The following SLC39A11 variants were observed in gnomAD, a reference collection of about 807,000 sequenced individuals.
SLC39A11 encodes the protein solute carrier family 39 member 11.
SLC39A11 carries 33 observed loss-of-function variants against 36.1 expected under a neutral mutation model. The observed-to-expected ratio is 0.91, with a 90% CI of 0.69 to 1.22. The LOEUF is 1.22. Ranked by LOEUF, SLC39A11 falls within the 50% of genes most tolerant of loss-of-function variation. SLC39A11 has a pLI of 0.00. For missense variants in SLC39A11, 432 were observed against 430.3 expected (o/e 1.00, Z -0.03); for synonymous variants, 166 against 170.3 (o/e 0.97, Z 0.20).
intron 7 of SLC39A11, among the ~76,000 whole-genome samples, chr17:72,703,241 T>C (rs2072732677): frequency 6.6e-6 from 1 of 152,122 alleles, no homozygotes; most frequent in Admixed American, 6.5e-5. Context: ...TGCTGGTGTG[T>C]ATGTGCTTTA....
chr17:72,665,199 C>A (rs548784888), intron 7 of SLC39A11, among the ~76,000 whole-genome samples: 1 of 152,080 alleles, frequency 6.6e-6, no homozygotes, highest in Non-Finnish European at 1.5e-5. Context: ...CATGGGAGTG[C>A]GCCATCTTGG....
intron 5 of SLC39A11, among the ~76,000 whole-genome samples, chr17:72,882,469 A>C (rs979819862): frequency 1.3e-5 from 2 of 152,084 alleles, no homozygotes; most frequent in African/African-American, 4.8e-5. Context: ...TCCAAGTACG[A>C]TGATTAGGAA....
chr17:72,861,657 T>TTATAGATATATATATATATATA (rs1555605274), intron 5 of SLC39A11, among the ~76,000 whole-genome samples: 1 of 50,952 alleles, frequency 2.0e-5, no homozygotes, highest in Non-Finnish European at 3.3e-5. Flanking sequence ...ATACAACACA[T>TTATAGATATATATATATATATA]TATATATATA....
At chr17:72,748,588 C>T (rs548091008) in intron 6 of SLC39A11, among the ~76,000 whole-genome samples, 43 of 152,246 alleles carry the variant, frequency 2.8e-4, no homozygotes, top group African/African-American at 8.9e-4. Flanking sequence ...ACACAGGCAG[C>T]GCCTCGTTTG....
At chr17:72,660,345 G>T (rs1264585257) in intron 7 of SLC39A11, among the ~76,000 whole-genome samples, 2 of 152,190 alleles carry the variant, frequency 1.3e-5, no homozygotes, top group African/African-American at 4.8e-5. Context: ...ACTACGTGCT[G>T]GGCGTGCTTG....
At chr17:73,035,162 G>C (rs1389824178) in intron 3 of SLC39A11, among the ~76,000 whole-genome samples, 2 of 152,010 alleles carry the variant, frequency 1.3e-5, no homozygotes, top group East Asian at 3.8e-4. Context: ...TTTTTGTTTC[G>C]AGACAGAGTC....
intron 5 of SLC39A11, among the ~76,000 whole-genome samples, chr17:72,936,460 CG>C (rs1367180690): frequency 6.9e-6 from 1 of 144,246 alleles, no homozygotes; most frequent in Non-Finnish European, 1.5e-5. Context: ...GGCAATTACC[CG>C]GGGAACAAAC....
intron 3 of SLC39A11, among the ~76,000 whole-genome samples, chr17:73,044,152 G>GA (rs573904058): frequency 7.2e-4 from 103 of 142,428 alleles, no homozygotes; most frequent in African/African-American, 1.6e-3. Flanking sequence ...GCTTAAATAA[G>GA]AAAAAAAAAA....
intron 4 of SLC39A11, among the ~76,000 whole-genome samples, chr17:72,953,464 T>C (rs1312174283): frequency 6.6e-6 from 1 of 152,176 alleles, no homozygotes; most frequent in Non-Finnish European, 1.5e-5. Flanking sequence ...ACAATATGTA[T>C]ATCTCCTTCA....
At chr17:72,733,488 G>C (rs1303129077) in intron 7 of SLC39A11, among the ~76,000 whole-genome samples, 1 of 152,194 alleles carries the variant, frequency 6.6e-6, no homozygotes, top group Non-Finnish European at 1.5e-5. Flanking sequence ...CTGCTCAGAA[G>C]ATAAGCTAAG....
At chr17:72,803,467 C>G (rs2077160372) in intron 6 of SLC39A11, among the ~76,000 whole-genome samples, 1 of 152,244 alleles carries the variant, frequency 6.6e-6, no homozygotes, top group Non-Finnish European at 1.5e-5. Context: ...GCCTGAGGCC[C>G]AAACAGGTTA....
chr17:72,951,464 T>G (rs1361413313), intron 4 of SLC39A11, among the ~76,000 whole-genome samples: 1 of 152,098 alleles, frequency 6.6e-6, no homozygotes, highest in Non-Finnish European at 1.5e-5. Flanking sequence ...TCCCATAGAT[T>G]TCTGTTAAGT....
intron 3 of SLC39A11, among the ~76,000 whole-genome samples, chr17:73,056,427 C>T (rs1006215732): frequency 6.6e-6 from 1 of 152,174 alleles, no homozygotes; most frequent in Non-Finnish European, 1.5e-5. Context: ...CCTCGGCCTC[C>T]CAAAATGCTG....
intron 4 of SLC39A11, among the ~76,000 whole-genome samples, chr17:72,996,886 C>T (rs1568092079): frequency 6.6e-6 from 1 of 152,048 alleles, no homozygotes; most frequent in African/African-American, 2.4e-5. Context: ...TGTGCCTAGG[C>T]CTTAGGGAGC....
In SLC39A11 at chr17:72,715,591, G is replaced by A. The variant is rs1481029217; in HGVS notation, c.671+21059C>T. ...CCACTTCTATGAGGTCCCTAGAGGA[G>A]TCACATTCATAGAGACAGAAAGAAA... On this transcript the variant is annotated intron_variant, in intron 7 of 9. Coordinates refer to ENST00000255559, the MANE Select transcript of SLC39A11 (RefSeq NM_139177.4). Among the ~76,000 whole-genome samples, 3 of 152,232 alleles carry A rather than the reference G, an allele frequency of 2.0e-5. No homozygotes were observed. The East Asian group carries it at 5.8e-4, about 29-fold the overall frequency.
intron 4 of SLC39A11, among the ~76,000 whole-genome samples, chr17:72,977,281 C>T (rs946784900): frequency 3.9e-5 from 6 of 152,136 alleles, no homozygotes; most frequent in Non-Finnish European, 5.9e-5. Flanking sequence ...GCCTCACTCC[C>T]GCAGCCCTGC....
chr17:73,040,469 G>A (rs554180574), intron 3 of SLC39A11, among the ~76,000 whole-genome samples: 9 of 152,198 alleles, frequency 5.9e-5, no homozygotes, highest in Admixed American at 1.3e-4. Context: ...GAAGGACATT[G>A]GTGGGGAAAC....
rs540631576 is a variant in SLC39A11, at chr17:72,953,948, G to T, written c.307-6073C>A. ...TATCGCACGGATTCAGGACGGGGGA[G>T]CTCTGTTCATTTTGTTCTGAGGTTT... On this transcript the variant is annotated intron_variant, in intron 4 of 9. Transcript: ENST00000255559. Among the ~76,000 whole-genome samples, 5 of 152,328 alleles carry T rather than the reference G, an allele frequency of 3.3e-5. 1 individual carries two copies. The highest frequency in any genetic ancestry group is 9.6e-5 in the African/African-American group (4 of 41,570).
chr17:72,936,830 T>C (rs770022571), intron 5 of SLC39A11, among the ~76,000 whole-genome samples: 1 of 152,198 alleles, frequency 6.6e-6, no homozygotes, highest in Non-Finnish European at 1.5e-5. Context: ...AGGCGCGACC[T>C]AGATCCCTCA....
Sources: gnomAD v4.1 joint callset for allele counts (sites outside exome capture counted in the v4.1 genomes callset) on GRCh38, gnomAD v4.1.1 for gene constraint, MANE v1.5 for transcripts, NCBI Gene and HGNC (gene_info 2026-07-23, HGNC 2026-07-21) for gene names.